TUSC3: variants seen among roughly 807,000 people sequenced by gnomAD.
The protein encoded by TUSC3 is tumor suppressor candidate 3, also known as dolichyl-diphosphooligosaccharide--protein glycosyltransferase subunit TUSC3.
Under a neutral mutation model 44.8 loss-of-function variants are expected in TUSC3, and 45 were observed. That is an observed-to-expected ratio of 1.00 (90% CI 0.79 to 1.29). The LOEUF is 1.29. Among genes scored for constraint, TUSC3 ranks in the 50% most tolerant of loss-of-function variants. TUSC3 has a pLI of 0.00. For synonymous variants in TUSC3, 212 were observed against 152.9 expected, an observed-to-expected ratio of 1.39 and a Z score of -2.85; for missense variants, 519 against 437.9, an observed-to-expected ratio of 1.19 and a Z score of -1.65.
the TUSC3 span, among the ~76,000 whole-genome samples, chr8:15,820,811 A>C: frequency 8.9e-4 from 136 of 152,292 alleles, no homozygotes; most frequent in African/African-American, 3.2e-3. Context: ...TTAGATAACA[A>C]ATTCAACTTT....
Position 15,659,630 on chromosome 8 carries a change from G to A in TUSC3, c.550G>A (p.Asp184Asn), listed in dbSNP as rs1174131081. The A allele has an allele frequency of 6.2e-7, 1 of 1,613,012 alleles. No individual in the cohort carries two copies. Among genetic ancestry groups the A allele is most frequent in the Non-Finnish European group, 8.5e-7 (1 of 1,179,612 alleles). The part of the protein sequence containing the change: ...AAEQLAKWIA[D>N]RTDVHIRVFR... ...TGAGCAACTAGCAAAGTGGATTGCT[G>A]ACAGAACGGATGTTCATGTATGTTT... Residue 184 changes from aspartate (D) to asparagine (N), a missense_variant, in exon 4 of 11, where the codon GAC becomes AAC. Asp to Asn is a conservative substitution (Grantham distance 23). Coordinates refer to ENST00000503731, the MANE Select transcript of TUSC3 (RefSeq NM_006765.4).
At chr8:15,450,630 A>G (rs956456789) in intron 1 of TUSC3, among the ~76,000 whole-genome samples, 1 of 152,190 alleles carries the variant, frequency 6.6e-6, no homozygotes, top group African/African-American at 2.4e-5. Flanking sequence ...AGATTGCAAC[A>G]TTGCATTCCA....
chr8:15,448,654 C>T (rs1463038927), intron 1 of TUSC3, among the ~76,000 whole-genome samples: 1 of 151,964 alleles, frequency 6.6e-6, no homozygotes, highest in Non-Finnish European at 1.5e-5. Flanking sequence ...GCAGGATTGG[C>T]TAAATAAATA....
At chr8:15,728,760 G>T (rs2129207368) in intron 6 of TUSC3, among the ~76,000 whole-genome samples, 1 of 152,292 alleles carries the variant, frequency 6.6e-6, no homozygotes, top group African/African-American at 2.4e-5. Flanking sequence ...GGAAGGCTGA[G>T]TAGAGAGAAG....
At chr8:15,605,960 C>T (rs1804506753) in intron 1 of TUSC3, among the ~76,000 whole-genome samples, 1 of 151,988 alleles carries the variant, frequency 6.6e-6, no homozygotes, top group Non-Finnish European at 1.5e-5. Context: ...CATGTGAGCC[C>T]TTCATCTCTC....
chr8:15,722,411 T>C (rs1203813661), intron 6 of TUSC3, among the ~76,000 whole-genome samples: 1 of 152,056 alleles, frequency 6.6e-6, no homozygotes, highest in African/African-American at 2.4e-5. Context: ...GGGGTCACAG[T>C]TAACCAAAAA....
chr8:15,847,075 A>G, the TUSC3 span, among the ~76,000 whole-genome samples: 3 of 152,060 alleles, frequency 2.0e-5, no homozygotes, highest in African/African-American at 7.2e-5. Context: ...ATGACTTTTG[A>G]AATTAGATAT....
intron 5 of TUSC3, among the ~76,000 whole-genome samples, chr8:15,666,830 G>A (rs1295818154): frequency 6.6e-6 from 1 of 151,280 alleles, no homozygotes; most frequent in East Asian, 1.9e-4. Flanking sequence ...TATGGTTTTT[G>A]CAAACAGGTA....
At chr8:15,776,050 A>G in the TUSC3 span, among the ~76,000 whole-genome samples, 4 of 152,046 alleles carry the variant, frequency 2.6e-5, no homozygotes, top group Admixed American at 1.3e-4. Flanking sequence ...CTAATTCACT[A>G]TTCTCCAAAT....
intron 1 of TUSC3, among the ~76,000 whole-genome samples, chr8:15,572,582 T>C (rs182456593): frequency 6.6e-6 from 1 of 152,314 alleles, no homozygotes; most frequent in East Asian, 1.9e-4. Flanking sequence ...TGTCTAACTG[T>C]TCGGTGCAAG....
chr8:15,533,586 T>A (rs1801479458), intron 2 of TUSC3, among the ~76,000 whole-genome samples: 2 of 152,200 alleles, frequency 1.3e-5, no homozygotes, highest in Admixed American at 1.3e-4. Flanking sequence ...TCTTTGTTGC[T>A]GTCTTATTTT....
intron 6 of TUSC3, among the ~76,000 whole-genome samples, chr8:15,713,282 T>C (rs768317891): frequency 1.3e-5 from 2 of 152,170 alleles, no homozygotes; most frequent in Non-Finnish European, 2.9e-5. Context: ...TCCACACATA[T>C]TTACACTTGT....
the TUSC3 span, among the ~76,000 whole-genome samples, chr8:15,781,516 A>C: frequency 6.6e-6 from 1 of 152,202 alleles, no homozygotes; most frequent in African/African-American, 2.4e-5. Flanking sequence ...GACAGTCAAT[A>C]AGACCATCAG....
intron 1 of TUSC3, among the ~76,000 whole-genome samples, chr8:15,423,378 C>A (rs758649496): frequency 6.6e-6 from 1 of 152,130 alleles, no homozygotes; most frequent in African/African-American, 2.4e-5. Flanking sequence ...TCAAGGTCAA[C>A]CTTACTTTTC....
chr8:15,534,952 C>T (rs934786110), intron 2 of TUSC3, among the ~76,000 whole-genome samples: 1 of 152,132 alleles, frequency 6.6e-6, no homozygotes, highest in Non-Finnish European at 1.5e-5. Context: ...GCTGTTGTTA[C>T]AGGCATACTA....
At chr8:15,683,487 CAGA>C (rs1230303247) in intron 6 of TUSC3, among the ~76,000 whole-genome samples, 1 of 151,930 alleles carries the variant, frequency 6.6e-6, no homozygotes, top group Non-Finnish European at 1.5e-5. Flanking sequence ...TTCTCAATTC[CAGA>C]AGTTTAGTTT....
At chr8:15,476,147 A>T (rs955243930) in intron 1 of TUSC3, among the ~76,000 whole-genome samples, 2 of 152,194 alleles carry the variant, frequency 1.3e-5, no homozygotes, top group African/African-American at 4.8e-5. Context: ...AATATTTTCA[A>T]ATAGGTTTTA....
At chr8:15,487,712 A>G (rs751173417) in intron 2 of TUSC3, among the ~76,000 whole-genome samples, 11 of 152,204 alleles carry the variant, frequency 7.2e-5, no homozygotes, top group South Asian at 2.1e-4. Context: ...TTTATATGCT[A>G]AAGTATTTAT....
intron 1 of TUSC3, among the ~76,000 whole-genome samples, chr8:15,575,683 C>T (rs1485832402): frequency 6.6e-6 from 1 of 152,118 alleles, no homozygotes; most frequent in East Asian, 1.9e-4. Flanking sequence ...AGGAGAATCA[C>T]TTGAACCCAG....
Sources: gnomAD v4.1 joint callset for allele counts (sites outside exome capture counted in the v4.1 genomes callset) on GRCh38, gnomAD v4.1.1 for gene constraint, MANE v1.5 for transcripts, NCBI Gene and HGNC (gene_info 2026-07-23, HGNC 2026-07-21) for gene names.